The following CBY1 variants were observed in gnomAD, a reference collection of about 807,000 sequenced individuals.
CBY1 encodes the protein chibby 1, beta catenin antagonist.
A neutral mutation model predicts 15.6 loss-of-function variants in CBY1; 10 were observed. The ratio of observed to expected loss-of-function variants is 0.64; its 90% CI spans 0.40 to 1.09. The LOEUF is 1.09. Ranked by LOEUF, CBY1 falls within the 50% of genes least tolerant of loss-of-function variation. CBY1 has a pLI of 0.01. For synonymous variants in CBY1, 61 were observed against 63.5 expected (o/e 0.96, Z 0.19); for missense variants, 150 against 160.5 (o/e 0.93, Z 0.35).
Position 38,668,147 on chromosome 22 carries a change from TGGGGTCGGCCG to T in CBY1, c.78+18_78+28del. The T allele has an allele frequency of 6.6e-7, 1 of 1,520,154 alleles. No individual in the cohort carries two copies. Among genetic ancestry groups the T allele is most frequent in the Non-Finnish European group, 9.1e-7 (1 of 1,094,408 alleles). The allele number at this position is 1,520,154 out of a possible 1,614,324, so 94.2% of individuals were successfully genotyped here. ...ACCTGCATTCTGTGAGTGTCGGTAC[TGGGGTCGGCCG>T]GGTGTGCAGCATGAGTTGAGTGCTG... On this transcript the variant is annotated intron_variant, in intron 2 of 4. Coordinates refer to ENST00000216029, the MANE Select transcript of CBY1 (RefSeq NM_015373.4).
chr22:38,665,683 C>G, intron 1 of CBY1: 1 of 1,218,606 alleles, frequency 8.2e-7, no homozygotes, highest in South Asian at 4.2e-5. Flanking sequence ...GTACAGTGGC[C>G]AGGTGAGGCT....
chr22:38,658,858 G>GCATGTC, intron 1 of CBY1, among the ~76,000 whole-genome samples: 1 of 152,236 alleles, frequency 6.6e-6, no homozygotes, highest in East Asian at 1.9e-4. Context: ...CAGTGTTAAA[G>GCATGTC]CATGTCAGAA....
rs1031928273 is a variant in CBY1 at position 38,673,775 on chromosome 22, C to T, written c.*539C>T. 6 of 153,060 alleles carry T rather than the reference C, an allele frequency of 3.9e-5. No homozygotes were observed. Among genetic ancestry groups the T allele is most frequent in the African/African-American group, 1.4e-4 (6 of 41,450 alleles). 9.5% of individuals were successfully genotyped at this position (153,060 alleles called of 1,614,324 possible). On this transcript the variant is annotated 3_prime_UTR_variant, in exon 5 of 5. Transcript: ENST00000216029. ...CAGCTTCTCAGCAGCAAGCACCAGC[C>T]TTCCACAACAACACTATATTTTTAT... is the stretch of plus-strand genomic sequence containing the variant.
chr22:38,663,823 A>G (rs2092428852), intron 1 of CBY1, among the ~76,000 whole-genome samples: 1 of 151,920 alleles, frequency 6.6e-6, no homozygotes. Context: ...GGAGTTCGAG[A>G]CCAGCCTGGC....
chr22:38,658,679 T>C (rs2092412865), intron 1 of CBY1, among the ~76,000 whole-genome samples: 1 of 151,828 alleles, frequency 6.6e-6, no homozygotes, highest in South Asian at 2.1e-4. Flanking sequence ...GGTTTCACTG[T>C]GTTAGCCAGA....
At chr22:38,669,071 T>C (rs1476970080) in intron 2 of CBY1, among the ~76,000 whole-genome samples, 1 of 152,238 alleles carries the variant, frequency 6.6e-6, no homozygotes, top group Non-Finnish European at 1.5e-5. Flanking sequence ...CGTCTGTCTC[T>C]GACCGTGACT....
chr22:38,668,273 C>G, intron 2 of CBY1, 141 bp downstream of exon 2: 1 of 568,462 alleles, frequency 1.8e-6, no homozygotes, highest in Non-Finnish European at 3.2e-6. Context: ...TTGCGGAAAA[C>G]ATTTTTGAAC....
intron 2 of CBY1, among the ~76,000 whole-genome samples, chr22:38,669,326 ACCT>A (rs1222757920): frequency 6.6e-6 from 1 of 151,884 alleles, no homozygotes; most frequent in African/African-American, 2.4e-5. Flanking sequence ...CCCCGTGTGA[ACCT>A]CCTCTGCGCA....
At chr22:38,668,279 T>C (rs1413070317) in intron 2 of CBY1, 147 bp downstream of exon 2, 1 of 568,354 alleles carries the variant, frequency 1.8e-6, no homozygotes, top group African/African-American at 1.9e-5. Flanking sequence ...AAAACATTTT[T>C]GAACTCTTGT....
intron 1 of CBY1, among the ~76,000 whole-genome samples, chr22:38,660,150 T>G (rs1018234605): frequency 6.6e-6 from 1 of 152,264 alleles, no homozygotes; most frequent in East Asian, 1.9e-4. Context: ...ATGGGTATTA[T>G]TCATCTTTTT....
chr22:38,661,116 C>T (rs2092421199), intron 1 of CBY1, among the ~76,000 whole-genome samples: 2 of 151,898 alleles, frequency 1.3e-5, no homozygotes, highest in African/African-American at 4.8e-5. Flanking sequence ...GTGCCCAGGC[C>T]CAAATGCCAT....
Position 38,658,083 on chromosome 22 carries a change from T to C in CBY1, c.-39+1333T>C, listed in dbSNP as rs532640382. On this transcript the variant is annotated intron_variant, in intron 1 of 4. Coordinates refer to ENST00000216029, the MANE Select transcript of CBY1 (RefSeq NM_015373.4). ...TATTCCCTTTTTCAGGTTTAACCACTATGAACAGTTTGGTGTATCCTTCCA... is the reference window on the plus strand; with the variant it reads ...TATTCCCTTTTTCAGGTTTAACCACCATGAACAGTTTGGTGTATCCTTCCA... Among the ~76,000 whole-genome samples, 11 of 152,218 alleles carry C rather than the reference T, an allele frequency of 7.2e-5. No individual in the cohort carries two copies. In the East Asian group the frequency reaches 1.7e-3, roughly 24 times the overall value.
intron 4 of CBY1, 48 bp from the exon 5 acceptor site, chr22:38,673,111 A>G (rs2092457871): frequency 1.4e-6 from 2 of 1,415,014 alleles, no homozygotes; most frequent in Non-Finnish European, 2.0e-6. Context: ...AACCCGAAAC[A>G]TTTCCTAGAA....
At chr22:38,658,412 C>T (rs2092410403) in intron 1 of CBY1, among the ~76,000 whole-genome samples, 1 of 151,844 alleles carries the variant, frequency 6.6e-6, no homozygotes, top group Admixed American at 6.6e-5. Flanking sequence ...GCATAAGCCA[C>T]CGTACCTGGC....
chr22:38,670,881 C>G lies in CBY1; in HGVS notation c.79-3C>G. On this transcript the variant is annotated splice_region_variant and splice_polypyrimidine_tract_variant and intron_variant, in intron 2 of 4. Coordinates refer to ENST00000216029, the MANE Select transcript of CBY1 (RefSeq NM_015373.4). ...AAGTTGTCACATAGCATCTCGCCCA[C>G]AGTTGGATCGATCAACCCGGGAGGT... 33 of 1,611,676 alleles carry G rather than the reference C, an allele frequency of 2.0e-5. No homozygotes were observed. The highest frequency in any genetic ancestry group is 2.8e-5 in the Non-Finnish European group (33 of 1,177,908).
chr22:38,666,869 A>AT (rs1256841674), intron 1 of CBY1: 2 of 151,684 alleles, frequency 1.3e-5, no homozygotes, highest in East Asian at 3.9e-4. Flanking sequence ...TGCCCAGCTA[A>AT]TTTTTTGTAT....
rs563165219 is a variant in CBY1 at position 38,673,804 on chromosome 22, A to G, written c.*568A>G. On this transcript the variant is annotated 3_prime_UTR_variant, in exon 5 of 5. Transcript: ENST00000216029. ...CACAACAACACTATATTTTTATGCT[A>G]CTTTCCTGTTTGCACTACTACTTTT... The G allele has an allele frequency of 1.3e-5, 2 of 152,620 alleles. No homozygotes were observed. The highest frequency in any genetic ancestry group is 4.8e-5 in the African/African-American group (2 of 41,554). 9.5% of individuals were successfully genotyped at this position (152,620 alleles called of 1,614,324 possible). A position where few individuals can be genotyped will look rare whatever the true frequency, so the allele number is the denominator to read the frequency against.
chr22:38,657,759 A>G (rs1272614048), intron 1 of CBY1, among the ~76,000 whole-genome samples: 1 of 152,196 alleles, frequency 6.6e-6, no homozygotes, highest in Non-Finnish European at 1.5e-5. Context: ...GGGGAGAGCC[A>G]GGCCCCTAAA....
intron 4 of CBY1, among the ~76,000 whole-genome samples, chr22:38,672,060 G>A (rs1459473209): frequency 6.6e-6 from 1 of 151,528 alleles, no homozygotes; most frequent in African/African-American, 2.4e-5. Context: ...TCAGGAGTTC[G>A]AGACCAGCCT....
Sources: allele counts gnomAD v4.1 joint callset (sites outside exome capture counted in the v4.1 genomes callset), GRCh38; gene constraint gnomAD v4.1.1; transcripts MANE v1.5; gene names NCBI Gene and HGNC (gene_info 2026-07-23, HGNC 2026-07-21).